The following OTUB1 variants were observed in gnomAD, a reference collection of about 807,000 sequenced individuals.
The protein encoded by OTUB1 is OTU deubiquitinase, ubiquitin aldehyde binding 1.
A neutral mutation model predicts 35.8 loss-of-function variants in OTUB1; 10 were observed. The observed-to-expected ratio is 0.28, with a 90% CI of 0.17 to 0.47. The LOEUF (loss-of-function observed/expected upper bound fraction) is 0.47, where lower values mean the gene tolerates loss of function less well. Among genes scored for constraint, OTUB1 ranks in the 20% least tolerant of loss-of-function variants. OTUB1 has a pLI of 0.99. For synonymous variants in OTUB1, 158 were observed against 143.8 expected (o/e 1.10, Z -0.71); for missense variants, 264 against 351.6 (o/e 0.75, Z 1.99).
intron 3 of OTUB1, among the ~76,000 whole-genome samples, chr11:63,995,608 G>T (rs562998894): frequency 6.6e-6 from 1 of 152,018 alleles, no homozygotes; most frequent in South Asian, 2.1e-4. Context: ...GATTATAGGT[G>T]TGAGCCATGG....
intron 3 of OTUB1, among the ~76,000 whole-genome samples, chr11:63,994,305 T>G (rs2134309530): frequency 6.6e-6 from 1 of 152,154 alleles, no homozygotes; most frequent in East Asian, 1.9e-4. Flanking sequence ...CAGGCTGGAG[T>G]GCAGTGGAGC....
chr11:63,987,353 C>T (rs554749556), intron 1 of OTUB1, among the ~76,000 whole-genome samples: 63 of 152,164 alleles, frequency 4.1e-4, no homozygotes, highest in Non-Finnish European at 8.1e-4. Flanking sequence ...AAAACGGCCC[C>T]GGAAGGGACT....
At chr11:63,995,064 G>A (rs1044823302) in intron 3 of OTUB1, among the ~76,000 whole-genome samples, 3 of 151,938 alleles carry the variant, frequency 2.0e-5, no homozygotes, top group East Asian at 1.9e-4. Context: ...AGGGTCTCAC[G>A]CACTCTGTCA....
chr11:63,993,999 C>T (rs1332279773), intron 3 of OTUB1, among the ~76,000 whole-genome samples: 1 of 152,088 alleles, frequency 6.6e-6, no homozygotes, highest in Non-Finnish European at 1.5e-5. Context: ...TGGCGGTGTG[C>T]ACCTGTAGTT....
chr11:63,993,653 G>A (rs1326226050), intron 3 of OTUB1, among the ~76,000 whole-genome samples: 1 of 139,826 alleles, frequency 7.2e-6, no homozygotes, highest in Non-Finnish European at 1.6e-5. Context: ...GACAGAGCGA[G>A]ACTGTCTCAA....
intron 1 of OTUB1, 31 bp downstream of exon 1, chr11:63,986,545 G>C (rs1187394900): frequency 2.6e-6 from 4 of 1,521,240 alleles, no homozygotes; most frequent in Non-Finnish European, 3.6e-6. Flanking sequence ...GTCCGGCCCG[G>C]GCTAGTGGGG....
intron 3 of OTUB1, among the ~76,000 whole-genome samples, chr11:63,994,906 G>T (rs1469938018): frequency 2.0e-5 from 3 of 152,222 alleles, no homozygotes; most frequent in Non-Finnish European, 4.4e-5. Flanking sequence ...AGAAATTGAA[G>T]GGTAGCCAGA....
At position 63,996,591 on chromosome 11, in the gene OTUB1, G is replaced by A. The variant is rs1254707597; in HGVS notation, c.281G>A (p.Arg94Gln). The part of the protein sequence containing the change: ...KTRPDGNCFY[R>Q]AFGFSHLEAL... Reference sequence around the variant, plus strand: ...AGGCCTGACGGCAACTGTTTCTATCGGGCTTTCGGATTCTCCCACTTGGAG... The same window carrying A: ...AGGCCTGACGGCAACTGTTTCTATCAGGCTTTCGGATTCTCCCACTTGGAG... The change falls in exon 4 of 7, where the codon CGG becomes CAG. Residue 94 changes from arginine to glutamine, a missense_variant. Physicochemically the swap from Arg to Gln is conservative, Grantham distance 43. Around this residue, in one of 2 missense-constraint regions of OTUB1, gnomAD observed 214 missense variants for 317.1 expected, o/e 0.67. Transcript: ENST00000538426. 1.9e-6 allele frequency: 3 copies of A among 1,614,208 alleles called. No individual in the cohort carries two copies. The highest frequency in any genetic ancestry group is 2.5e-6 in the Non-Finnish European group (3 of 1,180,030).
At position 63,997,918 on chromosome 11, in the gene OTUB1, G is replaced by A; in HGVS notation, c.*372G>A. Reference sequence around the variant, plus strand: ...GCTCAGGGGCTTCTATGGGATCCTGGAAGTTCCTTAGGGACTTGCCCAGGG... The same window carrying A: ...GCTCAGGGGCTTCTATGGGATCCTGAAAGTTCCTTAGGGACTTGCCCAGGG... On this transcript the variant is annotated 3_prime_UTR_variant, in exon 7 of 7. Coordinates refer to ENST00000538426, the MANE Select transcript of OTUB1 (RefSeq NM_017670.3). 1.6e-6 allele frequency: 1 copy of A among 606,896 alleles called. No homozygotes were observed. Among genetic ancestry groups the A allele is most frequent in the Non-Finnish European group, 2.9e-6 (1 of 341,034 alleles). 37.6% of individuals were successfully genotyped at this position (606,896 alleles called of 1,614,324 possible).
chr11:63,986,519 A>T lies in OTUB1; in HGVS notation c.58+5A>T. On this transcript the variant is annotated splice_donor_5th_base_variant and intron_variant, in intron 1 of 6. Coordinates refer to ENST00000538426, the MANE Select transcript of OTUB1 (RefSeq NM_017670.3). ...CGCTGGGCAGCGACTCCGAAGGTAC[A>T]GATCCAAGGAGGGATGTCCGGCCCG... 6.5e-7 allele frequency: 1 copy of T among 1,546,836 alleles called. No homozygotes were observed. The highest frequency in any genetic ancestry group is 8.7e-7 in the Non-Finnish European group (1 of 1,144,796).
Position 63,997,094 on chromosome 11 carries a change from C to T in OTUB1, c.468C>T (p.Ala156=), listed in dbSNP as rs933132213. 85 of 1,614,096 alleles carry T rather than the reference C, an allele frequency of 5.3e-5. No individual in the cohort carries two copies. Among genetic ancestry groups the T allele is most frequent in the East Asian group, 1.3e-4 (6 of 44,900 alleles). ...AGGTGGAGAAGCAGACCTCTGTCGC[C>T]GACCTGCTGGCCTCCTTCAATGACC... ...IEQVEKQTSV[A]DLLASFNDQS... The change falls in exon 6 of 7, where the codon GCC becomes GCT. Residue 156 remains alanine, a synonymous_variant. Transcript: ENST00000538426.
chr11:63,996,637 G>C lies in OTUB1; in HGVS notation c.327G>C (p.Lys109Asn). The C allele has an allele frequency of 6.2e-7, 1 of 1,614,242 alleles. No individual in the cohort carries two copies. Among genetic ancestry groups the C allele is most frequent in the Non-Finnish European group, 8.5e-7 (1 of 1,180,042 alleles). The change falls in exon 4 of 7, where the codon AAG (lysine) becomes AAC (asparagine). Residue 109 changes from lysine to asparagine, a missense_variant. Transcript: ENST00000538426. Reference sequence around the variant, plus strand: ...TGGAGGCACTGCTGGATGACAGCAAGGAGTTGCAGCGGTGAGAAGGGTGGG... The same window carrying C: ...TGGAGGCACTGCTGGATGACAGCAACGAGTTGCAGCGGTGAGAAGGGTGGG... ...SHLEALLDDS[K>N]ELQRFKAVSA...
chr11:63,995,527 C>T (rs1942708992), intron 3 of OTUB1, among the ~76,000 whole-genome samples: 1 of 152,068 alleles, frequency 6.6e-6, no homozygotes, highest in Non-Finnish European at 1.5e-5. Flanking sequence ...GGGGGTCTCA[C>T]TGTGTTGCCC....
chr11:63,995,119 C>T (rs956082551), intron 3 of OTUB1, among the ~76,000 whole-genome samples: 2 of 152,060 alleles, frequency 1.3e-5, no homozygotes, highest in African/African-American at 4.8e-5. Flanking sequence ...ACTGTAGCCT[C>T]GACCTCCTGG....
At position 63,996,276 on chromosome 11, in the gene OTUB1, C is replaced by T. The variant is rs116272890; in HGVS notation, c.220-254C>T. ...TGTTGTTGTACAGTCCTGTAGGCCC[C>T]GCAGAACTTTAGTGACCCATGCAAC... is the stretch of plus-strand genomic sequence containing the variant. On this transcript the variant is annotated intron_variant, in intron 3 of 6. Coordinates refer to ENST00000538426, the MANE Select transcript of OTUB1 (RefSeq NM_017670.3). Among the ~76,000 whole-genome samples the T allele has an allele frequency of 9.3e-3, 1,418 of 152,290 alleles. 22 individuals carry two copies. The highest frequency in any genetic ancestry group is 0.031 in the African/African-American group (1,293 of 41,570).
chr11:63,986,633 C>G (rs1942622633), intron 1 of OTUB1, 119 bp downstream of exon 1: 1 of 802,434 alleles, frequency 1.2e-6, no homozygotes, highest in Non-Finnish European at 1.9e-6. Context: ...CGCGAGGGGT[C>G]CCTTCCTCCA....
In OTUB1 at chr11:63,997,610, G is replaced by T; in HGVS notation, c.*64G>T. 2 of 1,418,758 alleles carry T rather than the reference G, an allele frequency of 1.4e-6. No individual in the cohort carries two copies. Among genetic ancestry groups the T allele is most frequent in the Non-Finnish European group, 2.0e-6 (2 of 1,006,738 alleles). The allele number at this position is 1,418,758 out of a possible 1,614,324, so 87.9% of individuals were successfully genotyped here. A position where few individuals can be genotyped will look rare whatever the true frequency, so the allele number is the denominator to read the frequency against. ...TGCCAGGCGCTAGACATGTACAGAG[G>T]TTTTTCTGTGGTTGTAAATGGTCCT... On this transcript the variant is annotated 3_prime_UTR_variant, in exon 7 of 7. Coordinates refer to ENST00000538426, the MANE Select transcript of OTUB1 (RefSeq NM_017670.3).
rs1942746917 is a variant in OTUB1, at chr11:63,998,298, C to T, written c.*752C>T. On this transcript the variant is annotated 3_prime_UTR_variant, in exon 7 of 7. Transcript: ENST00000538426. ...TTGGGCCACGGTGTCTCTGCATTGC[C>T]TGCCTTTTTGCCTTCACCTCTTTTC... 1.1e-5 allele frequency: 2 copies of T among 175,012 alleles called. No homozygotes were observed. The highest frequency in any genetic ancestry group is 2.5e-5 in the Non-Finnish European group (2 of 81,302). 10.8% of individuals were successfully genotyped at this position (175,012 alleles called of 1,614,324 possible). A position where few individuals can be genotyped will look rare whatever the true frequency, so the allele number is the denominator to read the frequency against.
At chr11:63,991,999 C>A (rs1055230371) in intron 3 of OTUB1, among the ~76,000 whole-genome samples, 2 of 152,072 alleles carry the variant, frequency 1.3e-5, no homozygotes, top group Non-Finnish European at 2.9e-5. Context: ...AGGTGGATCA[C>A]CTGAGGTCAG....
Sources: allele counts gnomAD v4.1 joint callset (sites outside exome capture counted in the v4.1 genomes callset), GRCh38; gene constraint gnomAD v4.1.1; regional missense constraint gnomAD v4.1.1; transcripts MANE v1.5; gene names NCBI Gene and HGNC (gene_info 2026-07-23, HGNC 2026-07-21).